Variants in ERBB4 observed in about 807,000 individuals in gnomAD.
ERBB4 encodes the protein receptor tyrosine-protein kinase erbB-4.
In ERBB4, 42 loss-of-function variants were observed where a neutral mutation model predicts 158.0. The observed-to-expected ratio is 0.27, with a 90% CI of 0.21 to 0.34. The LOEUF is 0.34. ERBB4 is among the 10% of genes least tolerant of loss of function. The pLI is 1.00. For synonymous variants in ERBB4, 583 were observed against 558.7 expected (o/e 1.04, Z -0.61); for missense variants, 1,333 against 1,624.1 (o/e 0.82, Z 3.08).
At chr2:211,817,592 C>T (rs1039719511) in intron 3 of ERBB4, among the ~76,000 whole-genome samples, 1 of 152,126 alleles carries the variant, frequency 6.6e-6, no homozygotes, top group Non-Finnish European at 1.5e-5. Context: ...AATCTTGTCC[C>T]TCCCTGTCTT....
chr2:211,969,426 A>G (rs1382317142), intron 2 of ERBB4, among the ~76,000 whole-genome samples: 1 of 152,080 alleles, frequency 6.6e-6, no homozygotes, highest in African/African-American at 2.4e-5. Context: ...TGCTAATTGT[A>G]TAGTGAACTA....
intron 25 of ERBB4, among the ~76,000 whole-genome samples, chr2:211,398,600 T>C (rs1192612657): frequency 2.0e-5 from 3 of 152,110 alleles, no homozygotes; most frequent in African/African-American, 7.2e-5. Context: ...CCCAGCACTT[T>C]GGGAGGCCGA....
intron 19 of ERBB4, among the ~76,000 whole-genome samples, chr2:211,581,808 G>A (rs1395265330): frequency 6.6e-6 from 1 of 151,962 alleles, no homozygotes; most frequent in East Asian, 1.9e-4. Context: ...TCAAGAGATT[G>A]AGACCATCCT....
At chr2:212,347,083 T>C (rs546537999) in intron 1 of ERBB4, among the ~76,000 whole-genome samples, 1 of 152,092 alleles carries the variant, frequency 6.6e-6, no homozygotes, top group Non-Finnish European at 1.5e-5. Flanking sequence ...GTGCTAACAT[T>C]GTAAGATACA....
At position 211,388,299 on chromosome 2, in the gene ERBB4, G is replaced by C. The variant is rs75477089; in HGVS notation, c.3136-307C>G. ...AACATTCTTCTGATTAACCCTAGAG[G>C]AAAGGAAAAGTAGTAAATGAACTAT... On this transcript the variant is annotated intron_variant, in intron 25 of 27. Transcript: ENST00000342788. Among the ~76,000 whole-genome samples, 6,980 of 152,190 alleles carry C rather than the reference G, an allele frequency of 0.046. 519 individuals carry two copies. The highest frequency in any genetic ancestry group is 0.15 in the African/African-American group (6,389 of 41,484).
intron 19 of ERBB4, among the ~76,000 whole-genome samples, chr2:211,563,237 T>C (rs1370529654): frequency 6.6e-6 from 1 of 152,174 alleles, no homozygotes; most frequent in African/African-American, 2.4e-5. Context: ...TAAATGTTTA[T>C]GTACTTTGTT....
intron 25 of ERBB4, among the ~76,000 whole-genome samples, chr2:211,417,572 T>C (rs1476211226): frequency 6.6e-6 from 1 of 152,242 alleles, no homozygotes; most frequent in Non-Finnish European, 1.5e-5. Flanking sequence ...CTTAAATTTG[T>C]ATTCATCAAC....
chr2:211,657,746 G>T lies in ERBB4; in HGVS notation c.1946+8C>A. 6.2e-7 allele frequency: 1 copy of T among 1,606,718 alleles called. No homozygotes were observed. Among genetic ancestry groups the T allele is most frequent in the Non-Finnish European group, 8.5e-7 (1 of 1,173,230 alleles). ...TGAGCGACAAAATGGAAACATGGTA[G>T]ATGTTACCTAGCATGTTGTGGTAAA... On this transcript the variant is annotated splice_region_variant and intron_variant, in intron 16 of 27. Transcript: ENST00000342788.
intron 3 of ERBB4, among the ~76,000 whole-genome samples, chr2:211,927,931 C>T (rs569788519): frequency 2.6e-4 from 40 of 152,096 alleles, no homozygotes; most frequent in African/African-American, 8.9e-4. Context: ...ACAGCTTAAT[C>T]TTTCTTTATA....
chr2:212,228,391 A>C (rs575925266), intron 1 of ERBB4, among the ~76,000 whole-genome samples: 1 of 152,296 alleles, frequency 6.6e-6, no homozygotes, highest in South Asian at 2.1e-4. Context: ...CACAGTATTG[A>C]GTTATGATAT....
In ERBB4 at chr2:211,376,984, T is replaced by G. The variant is rs2062485394; in HGVS notation, c.*6631A>C. The G allele has an allele frequency of 4.3e-6, 1 of 233,100 alleles. No individual in the cohort carries two copies. Among genetic ancestry groups the G allele is most frequent in the African/African-American group, 2.2e-5 (1 of 45,278 alleles). The allele number at this position is 233,100 out of a possible 1,614,324, so 14.4% of individuals were successfully genotyped here. On this transcript the variant is annotated 3_prime_UTR_variant, in exon 28 of 28. Transcript: ENST00000342788. ...ATTTAACAGCAGTACCAGTTTATGC[T>G]ACATATTTCAAAGTACCTTACTTTA...
chr2:211,853,081 C>T (rs1423616479), intron 3 of ERBB4, among the ~76,000 whole-genome samples: 1 of 151,888 alleles, frequency 6.6e-6, no homozygotes, highest in African/African-American at 2.4e-5. Flanking sequence ...TGGGGAAACA[C>T]AGGTCTTGCT....
intron 1 of ERBB4, among the ~76,000 whole-genome samples, chr2:212,341,941 G>A (rs1194465169): frequency 6.6e-6 from 1 of 152,008 alleles, no homozygotes; most frequent in African/African-American, 2.4e-5. Flanking sequence ...ATAATATGTT[G>A]ACCAAATATA....
rs766441342 is a variant in ERBB4 at position 211,387,958 on chromosome 2, G to A, written c.3170C>T (p.Thr1057Ile). The A allele has an allele frequency of 4.7e-5, 75 of 1,608,944 alleles. No homozygotes were observed. The highest frequency in any genetic ancestry group is 5.7e-5 in the Non-Finnish European group (67 of 1,175,456). ...EIGHSPPPAY[T>I]PMSGNQFVYR... ...TGAAATACTTACTCCTGACATGGGGGTGTAGGCAGGAGGAGGGCTGTGTCC... is the reference window on the plus strand; with the variant it reads ...TGAAATACTTACTCCTGACATGGGGATGTAGGCAGGAGGAGGGCTGTGTCC... Residue 1057 changes from threonine to isoleucine, a missense_variant, in exon 26 of 28, where the codon ACC becomes ATC. This residue lies in a region of ERBB4 where 252 missense variants were observed against 241.3 expected (regional missense o/e 1.04). Coordinates refer to ENST00000342788, the MANE Select transcript of ERBB4 (RefSeq NM_005235.3).
At chr2:211,703,118 G>GGT (rs151014708) in intron 11 of ERBB4, among the ~76,000 whole-genome samples, 2,662 of 151,266 alleles carry the variant, frequency 0.018, 64 homozygotes, top group African/African-American at 0.06. Flanking sequence ...TGGTTGTCAG[G>GGT]GTGTGTGTGT....
At chr2:212,123,260 G>A (rs769185681) in intron 2 of ERBB4, among the ~76,000 whole-genome samples, 3 of 152,246 alleles carry the variant, frequency 2.0e-5, no homozygotes, top group Admixed American at 6.5e-5. Context: ...AAAATTAGCC[G>A]GGCGTGGCGG....
intron 20 of ERBB4, among the ~76,000 whole-genome samples, chr2:211,453,015 T>G (rs748796730): frequency 2.0e-5 from 3 of 152,192 alleles, no homozygotes; most frequent in Non-Finnish European, 4.4e-5. Flanking sequence ...TTTAGTATAT[T>G]GAACTCACAC....
At chr2:212,349,049 C>A (rs77726419) in intron 1 of ERBB4, among the ~76,000 whole-genome samples, 1 of 151,896 alleles carries the variant, frequency 6.6e-6, no homozygotes, top group Non-Finnish European at 1.5e-5. Flanking sequence ...TATTTTATTT[C>A]GAAAAGGATA....
chr2:211,662,090 G>T (rs2071450120), intron 15 of ERBB4, among the ~76,000 whole-genome samples: 1 of 112,020 alleles, frequency 8.9e-6, no homozygotes, highest in Non-Finnish European at 1.8e-5. Context: ...AAAGATTAAG[G>T]TACATGTGAC....
Sources: gnomAD v4.1 joint callset for allele counts (sites outside exome capture counted in the v4.1 genomes callset) on GRCh38, gnomAD v4.1.1 for gene constraint, gnomAD v4.1.1 regional missense constraint, MANE v1.5 for transcripts, NCBI Gene and HGNC (gene_info 2026-07-23, HGNC 2026-07-21) for gene names.